The following VRK1 variants were observed in gnomAD, a reference collection of about 807,000 sequenced individuals.
VRK1 encodes the protein VRK serine/threonine kinase 1, also known as serine/threonine-protein kinase VRK1.
Under a neutral mutation model 57.1 loss-of-function variants are expected in VRK1, and 33 were observed. That is an observed-to-expected ratio of 0.58 (90% confidence interval 0.44 to 0.77). VRK1 has a LOEUF of 0.77. Among genes scored for constraint, VRK1 ranks in the 30% least tolerant of loss-of-function variants. The pLI is 0.00. For synonymous variants in VRK1, 137 were observed against 147.8 expected, an observed-to-expected ratio of 0.93 and a Z score of 0.53; for missense variants, 413 against 477.3, an observed-to-expected ratio of 0.87 and a Z score of 1.25.
At chr14:96,880,784 G>A (rs913136259) in intron 12 of VRK1, among the ~76,000 whole-genome samples, 2 of 152,104 alleles carry the variant, frequency 1.3e-5, no homozygotes, top group African/African-American at 4.8e-5. Flanking sequence ...TGACCTCATC[G>A]CTTCCACCTT....
intron 1 of VRK1, among the ~76,000 whole-genome samples, chr14:96,828,274 G>A (rs1445125797): frequency 6.6e-6 from 1 of 152,204 alleles, no homozygotes; most frequent in African/African-American, 2.4e-5. Context: ...GGGTCGGTTA[G>A]CAGGTACTGC....
intron 1 of VRK1, among the ~76,000 whole-genome samples, chr14:96,832,306 G>A (rs1473485335): frequency 6.6e-6 from 1 of 152,134 alleles, no homozygotes; most frequent in East Asian, 1.9e-4. Context: ...GCCATTTCAA[G>A]TGTTGCATAC....
intron 4 of VRK1, 52 bp from the exon 5 acceptor site, chr14:96,847,205 T>G: frequency 6.7e-7 from 1 of 1,482,812 alleles, no homozygotes; most frequent in South Asian, 1.2e-5. Flanking sequence ...TTTTAAAAAA[T>G]TATCATTTAT....
At chr14:96,804,212 T>G (rs1222589490) in intron 1 of VRK1, among the ~76,000 whole-genome samples, 1 of 152,232 alleles carries the variant, frequency 6.6e-6, no homozygotes, top group Non-Finnish European at 1.5e-5. Flanking sequence ...TAGATCTTGG[T>G]ACATTTTTCT....
At chr14:96,862,545 C>T (rs1022264256) in intron 11 of VRK1, among the ~76,000 whole-genome samples, 4 of 149,926 alleles carry the variant, frequency 2.7e-5, no homozygotes, top group Non-Finnish European at 5.9e-5. Flanking sequence ...AGAACTGGAC[C>T]AGACCAGTTT....
intron 4 of VRK1, among the ~76,000 whole-genome samples, chr14:96,846,536 G>C (rs1272957776): frequency 1.3e-5 from 2 of 151,944 alleles, no homozygotes; most frequent in East Asian, 3.9e-4. Context: ...TCCTGGTTGA[G>C]GACTTTTATA....
At chr14:96,825,179 G>C (rs1051881441) in intron 1 of VRK1, among the ~76,000 whole-genome samples, 22 of 152,178 alleles carry the variant, frequency 1.4e-4, no homozygotes, top group African/African-American at 5.3e-4. Flanking sequence ...GCTAGGATTG[G>C]CTTGAAGTGG....
intron 10 of VRK1, 21 bp from the exon 11 acceptor site, chr14:96,860,536 A>T: frequency 2.5e-6 from 4 of 1,604,536 alleles, no homozygotes; most frequent in Non-Finnish European, 3.4e-6. Context: ...AAGTTATAAA[A>T]TGATTGTGTT....
intron 11 of VRK1, chr14:96,861,055 A>C (rs542809669): frequency 5.1e-6 from 1 of 196,670 alleles, no homozygotes; most frequent in Non-Finnish European, 1.0e-5. Flanking sequence ...CTTAGGGTTC[A>C]TCTTGTCTTG....
At chr14:96,800,457 G>A (rs1022239517) in intron 1 of VRK1, among the ~76,000 whole-genome samples, 13 of 152,006 alleles carry the variant, frequency 8.6e-5, no homozygotes, top group African/African-American at 2.9e-4. Context: ...AGAGAGGTAC[G>A]AGCGATGGCC....
At chr14:96,844,064 T>C (rs1887575696) in intron 3 of VRK1, among the ~76,000 whole-genome samples, 1 of 152,258 alleles carries the variant, frequency 6.6e-6, no homozygotes, top group Non-Finnish European at 1.5e-5. Flanking sequence ...ACCTGAATTA[T>C]ATAAATGAGC....
chr14:96,817,147 C>T lies in VRK1; in HGVS notation c.-5-16320C>T, dbSNP rs1475581519. The stretch of plus-strand genomic sequence containing the variant: ...GTTTAGGTGGACACTCATTATATCA[C>T]TTCTCTACTTCATATGTATTTGAAA... On this transcript the variant is annotated intron_variant, in intron 1 of 12. Transcript: ENST00000216639. Among the ~76,000 whole-genome samples the T allele has an allele frequency of 2.0e-5, 3 of 152,164 alleles. No homozygotes were observed. In the East Asian group the frequency reaches 5.8e-4, roughly 29 times the overall value.
At chr14:96,835,757 G>A (rs1276811119) in intron 2 of VRK1, among the ~76,000 whole-genome samples, 2 of 152,060 alleles carry the variant, frequency 1.3e-5, no homozygotes, top group African/African-American at 2.4e-5. Context: ...CTTTACCTGG[G>A]TGACTTCTCA....
At chr14:96,819,739 C>T (rs1886527193) in intron 1 of VRK1, among the ~76,000 whole-genome samples, 1 of 152,144 alleles carries the variant, frequency 6.6e-6, no homozygotes, top group South Asian at 2.1e-4. Flanking sequence ...CAAGCGTTTT[C>T]CCTGCAAAAA....
intron 3 of VRK1, among the ~76,000 whole-genome samples, chr14:96,843,419 C>T (rs1887546976): frequency 6.6e-6 from 1 of 152,128 alleles, no homozygotes; most frequent in Non-Finnish European, 1.5e-5. Context: ...AAGAAGTTTG[C>T]AGACTGATGT....
chr14:96,875,282 A>G lies in VRK1; in HGVS notation c.1069-748A>G, dbSNP rs541370296. Among the ~76,000 whole-genome samples the G allele has an allele frequency of 1.2e-4, 18 of 152,306 alleles. No individual in the cohort carries two copies. The South Asian group carries it at 3.5e-3, about 30-fold the overall frequency. On this transcript the variant is annotated intron_variant, in intron 11 of 12. Coordinates refer to ENST00000216639, the MANE Select transcript of VRK1 (RefSeq NM_003384.3). The stretch of plus-strand genomic sequence containing the variant: ...AAACACATAAAATGAAATTGAAGGA[A>G]CATTTGGGAAGAATGGATGGTGACA...
At chr14:96,839,327 T>A in intron 3 of VRK1, among the ~76,000 whole-genome samples, 1 of 152,036 alleles carries the variant, frequency 6.6e-6, no homozygotes, top group East Asian at 1.9e-4. Context: ...TGTACAAGTG[T>A]TTTTATGGAG....
intron 11 of VRK1, among the ~76,000 whole-genome samples, chr14:96,875,125 G>A (rs1400859856): frequency 6.6e-6 from 1 of 152,020 alleles, no homozygotes; most frequent in Non-Finnish European, 1.5e-5. Flanking sequence ...AGAAGATAAA[G>A]TTATATAAAA....
At chr14:96,875,307 A>G (rs886973752) in intron 11 of VRK1, among the ~76,000 whole-genome samples, 5 of 152,208 alleles carry the variant, frequency 3.3e-5, no homozygotes, top group Non-Finnish European at 5.9e-5. Flanking sequence ...GGATGGTGAC[A>G]GAATATAAGC....
Sources: allele counts gnomAD v4.1 joint callset (sites outside exome capture counted in the v4.1 genomes callset), GRCh38; gene constraint gnomAD v4.1.1; transcripts MANE v1.5; gene names NCBI Gene and HGNC (gene_info 2026-07-23, HGNC 2026-07-21).